The following CDH8 variants were observed in gnomAD, a reference collection of about 807,000 sequenced individuals.
CDH8 encodes cadherin-8.
In CDH8, 17 loss-of-function variants were observed where a neutral mutation model predicts 68.1. That is an observed-to-expected ratio of 0.25 (90% CI 0.17 to 0.37). The LOEUF (loss-of-function observed/expected upper bound fraction) is 0.37. Ranked by LOEUF, CDH8 falls within the 10% of genes least tolerant of loss-of-function variation. CDH8 has a pLI of 1.00. For missense variants in CDH8, 763 were observed against 999.3 expected (o/e 0.76, Z 3.19); for synonymous variants, 372 against 365.1 (o/e 1.02, Z -0.21).
intron 2 of CDH8, among the ~76,000 whole-genome samples, chr16:62,009,032 A>AC (rs1491249432): frequency 4.0e-4 from 14 of 35,004 alleles, no homozygotes; most frequent in East Asian, 5.4e-3. Flanking sequence ...ATACACACAC[A>AC]AAAAAAAAAA....
intron 2 of CDH8, among the ~76,000 whole-genome samples, chr16:62,002,315 A>G (rs1481073457): frequency 6.6e-6 from 1 of 152,188 alleles, no homozygotes; most frequent in Non-Finnish European, 1.5e-5. Context: ...TTTTTATAAG[A>G]GACTATATAT....
intron 10 of CDH8, among the ~76,000 whole-genome samples, chr16:61,696,273 G>A (rs1322944262): frequency 6.6e-6 from 1 of 152,134 alleles, no homozygotes; most frequent in Non-Finnish European, 1.5e-5. Context: ...TGATTGCAAT[G>A]GGGCTATCAA....
At chr16:61,826,678 T>C (rs1962343477) in intron 4 of CDH8, among the ~76,000 whole-genome samples, 1 of 151,778 alleles carries the variant, frequency 6.6e-6, no homozygotes, top group African/African-American at 2.4e-5. Flanking sequence ...TTAAATCATC[T>C]GTCTGTAAAA....
intron 10 of CDH8, among the ~76,000 whole-genome samples, chr16:61,663,377 A>G (rs992887916): frequency 2.6e-5 from 4 of 152,092 alleles, no homozygotes; most frequent in Admixed American, 1.3e-4. Context: ...TTATGAGACA[A>G]TGCTAAAGGC....
intron 2 of CDH8, among the ~76,000 whole-genome samples, chr16:61,989,192 A>G (rs1310389589): frequency 2.0e-5 from 3 of 152,234 alleles, no homozygotes; most frequent in Non-Finnish European, 4.4e-5. Flanking sequence ...GATGAAAAAT[A>G]AAAGGGATGC....
chr16:61,781,509 T>G (rs559874073), intron 8 of CDH8, among the ~76,000 whole-genome samples: 51 of 152,116 alleles, frequency 3.4e-4, no homozygotes, highest in African/African-American at 1.0e-3. Context: ...TAGGCCCAGA[T>G]GCTAGGGAGT....
In CDH8 at chr16:61,707,293, T is replaced by A. The variant is rs367545375; in HGVS notation, c.1654+6548A>T. Among the ~76,000 whole-genome samples, 3 of 152,322 alleles carry A rather than the reference T, an allele frequency of 2.0e-5. No individual in the cohort carries two copies. The East Asian group carries it at 5.8e-4, about 29-fold the overall frequency. ...GTCAGTCAATGAATTTTGTACATCA[T>A]TTAAATTTTTTACTTAATATTTTAT... On this transcript the variant is annotated intron_variant, in intron 10 of 11. Coordinates refer to ENST00000577390, the MANE Select transcript of CDH8 (RefSeq NM_001796.5).
At chr16:61,931,769 G>A (rs762426301) in intron 2 of CDH8, among the ~76,000 whole-genome samples, 23 of 152,094 alleles carry the variant, frequency 1.5e-4, no homozygotes, top group Non-Finnish European at 2.5e-4. Flanking sequence ...GTTATAAGAC[G>A]TACCCTTAAA....
chr16:61,768,547 G>T (rs540310113), intron 8 of CDH8, among the ~76,000 whole-genome samples: 13 of 151,384 alleles, frequency 8.6e-5, no homozygotes, highest in African/African-American at 2.9e-4. Context: ...GTCTTGATCT[G>T]CCCTGGGAAC....
At position 61,788,857 on chromosome 16, in the gene CDH8, A is replaced by G. The variant is rs1006345383; in HGVS notation, c.1414+489T>C. On this transcript the variant is annotated intron_variant, in intron 8 of 11. Coordinates refer to ENST00000577390, the MANE Select transcript of CDH8 (RefSeq NM_001796.5). ...GTGTAAAATACATTAGACTCTAAAA[A>G]AAACAAAAAATTATCTATAATCTCT... Among the ~76,000 whole-genome samples the G allele has an allele frequency of 2.0e-5, 3 of 152,176 alleles. No individual in the cohort carries two copies. The South Asian group carries it at 6.2e-4, about 32-fold the overall frequency.
chr16:61,923,047 C>G (rs1371472775), intron 2 of CDH8, among the ~76,000 whole-genome samples: 2 of 152,074 alleles, frequency 1.3e-5, no homozygotes, highest in Non-Finnish European at 2.9e-5. Flanking sequence ...AATATAATTG[C>G]CCACCTTCTA....
intron 2 of CDH8, among the ~76,000 whole-genome samples, chr16:62,000,458 C>G (rs1965876304): frequency 6.6e-6 from 1 of 152,214 alleles, no homozygotes; most frequent in Non-Finnish European, 1.5e-5. Flanking sequence ...TGGCTTAAGA[C>G]AGCTCATGCT....
intron 3 of CDH8, among the ~76,000 whole-genome samples, chr16:61,858,433 A>T (rs894755261): frequency 6.6e-6 from 1 of 152,250 alleles, no homozygotes; most frequent in Non-Finnish European, 1.5e-5. Context: ...GGTAACAAGA[A>T]TCACATGCTG....
At position 61,743,854 on chromosome 16, in the gene CDH8, A is replaced by G. The variant is rs568238291; in HGVS notation, c.1415-16639T>C. On this transcript the variant is annotated intron_variant, in intron 8 of 11. Coordinates refer to ENST00000577390, the MANE Select transcript of CDH8 (RefSeq NM_001796.5). Reference sequence around the variant, plus strand: ...TGATTTGCCATGTCATTGTTTTGCTATCATTCATTTTTTAAATGTGTTAAT... The same window carrying G: ...TGATTTGCCATGTCATTGTTTTGCTGTCATTCATTTTTTAAATGTGTTAAT... Among the ~76,000 whole-genome samples the G allele has an allele frequency of 2.6e-5, 4 of 152,234 alleles. No homozygotes were observed. The South Asian group carries it at 8.3e-4, about 32-fold the overall frequency.
At chr16:62,018,655 G>A (rs1235698017) in intron 2 of CDH8, among the ~76,000 whole-genome samples, 1 of 152,186 alleles carries the variant, frequency 6.6e-6, no homozygotes, top group Non-Finnish European at 1.5e-5. Context: ...AGGGAAATAG[G>A]TATGATGGGA....
At chr16:61,730,954 T>A (rs963004058) in intron 8 of CDH8, among the ~76,000 whole-genome samples, 1 of 151,604 alleles carries the variant, frequency 6.6e-6, no homozygotes, top group Non-Finnish European at 1.5e-5. Context: ...TGGTGAAAGT[T>A]TTTTTAAAAA....
At chr16:61,936,550 C>G (rs757289036) in intron 2 of CDH8, among the ~76,000 whole-genome samples, 1 of 152,178 alleles carries the variant, frequency 6.6e-6, no homozygotes, top group African/African-American at 2.4e-5. Context: ...TGAGAAGTCA[C>G]TTGGAGATGG....
At chr16:61,741,678 CCTATTTCTGAAGTCTT>C (rs1959875956) in intron 8 of CDH8, among the ~76,000 whole-genome samples, 1 of 152,028 alleles carries the variant, frequency 6.6e-6, no homozygotes, top group South Asian at 2.1e-4. Flanking sequence ...TCTCTGCAGG[CCTATTTCTGAAGTCTT>C]CTATTCCATT....
intron 2 of CDH8, among the ~76,000 whole-genome samples, chr16:62,020,498 GCACA>G (rs3072068): frequency 0.5 from 74,698 of 149,636 alleles, 19,264 homozygotes; most frequent in East Asian, 0.69. Flanking sequence ...ACGCGCGCGC[GCACA>G]CACACACACA....
Sources: gnomAD v4.1 joint callset for allele counts (sites outside exome capture counted in the v4.1 genomes callset) on GRCh38, gnomAD v4.1.1 for gene constraint, MANE v1.5 for transcripts, NCBI Gene and HGNC (gene_info 2026-07-23, HGNC 2026-07-21) for gene names.